The following PREX1 variants were observed in gnomAD, a reference collection of about 807,000 sequenced individuals.
PREX1 encodes phosphatidylinositol 3,4,5-trisphosphate-dependent Rac exchanger 1 protein.
In PREX1, 41 loss-of-function variants were observed where a neutral mutation model predicts 198.3. That is an observed-to-expected ratio of 0.21 (90% confidence interval 0.16 to 0.27). The LOEUF (loss-of-function observed/expected upper bound fraction) is 0.27, where lower values mean the gene tolerates loss of function less well. Ranked by LOEUF, PREX1 falls within the 10% of genes least tolerant of loss-of-function variation. The probability of loss-of-function intolerance (pLI) is 1.00; values close to 1 mark genes in which losing one functional copy is unlikely to be tolerated. For missense variants in PREX1, 1,620 were observed against 2,200.7 expected (o/e 0.74, Z 5.28); for synonymous variants, 843 against 887.2 (o/e 0.95, Z 0.89).
chr20:48,887,958 A>T, the PREX1 span, among the ~76,000 whole-genome samples: 1 of 151,422 alleles, frequency 6.6e-6, no homozygotes, highest in African/African-American at 2.4e-5. Flanking sequence ...TCAAAAAAAT[A>T]AATTAAATAA....
chr20:48,649,349 G>A lies in PREX1; in HGVS notation c.3256C>T (p.Leu1086=). Residue 1086 remains leucine (L), a synonymous_variant, in exon 25 of 40, where the codon CTG becomes TTG. Coordinates refer to ENST00000371941, the MANE Select transcript of PREX1 (RefSeq NM_020820.4). ...QDAYLQLFTK[L]DVALKEMKQY... is the part of the protein sequence containing the mutation. The stretch of plus-strand genomic sequence containing the variant: ...TTCATCTCCTTCAGGGCCACATCCA[G>A]CTTGGTGAAGAGCTGCAGGTAGGCA... 1 of 1,614,148 alleles carries A rather than the reference G, an allele frequency of 6.2e-7. No individual in the cohort carries two copies.
At chr20:48,830,618 C>G (rs2090535187), upstream of PREX1, among the ~76,000 whole-genome samples, 2 of 152,246 alleles carry the variant, frequency 1.3e-5, no homozygotes, top group South Asian at 2.1e-4. Context: ...GGTCCCATCT[C>G]TGGCCCACCC....
At chr20:48,695,642 A>G (rs1247974289) in intron 7 of PREX1, among the ~76,000 whole-genome samples, 1 of 152,190 alleles carries the variant, frequency 6.6e-6, no homozygotes, top group African/African-American at 2.4e-5. Context: ...TTAATATTTA[A>G]TTTGTAGTTC....
intron 1 of PREX1, among the ~76,000 whole-genome samples, chr20:48,816,650 C>T (rs2090460523): frequency 1.3e-5 from 2 of 152,090 alleles, no homozygotes; most frequent in African/African-American, 2.4e-5. Flanking sequence ...CTCAAGGCAC[C>T]TCTAGGAAGT....
At chr20:48,878,445 T>C in the PREX1 span, among the ~76,000 whole-genome samples, 1 of 152,008 alleles carries the variant, frequency 6.6e-6, no homozygotes, top group Non-Finnish European at 1.5e-5. Context: ...GTTCAAACGA[T>C]TCTCCTGCCT....
chr20:48,739,021 T>C (rs1043334814), intron 3 of PREX1, among the ~76,000 whole-genome samples: 5 of 152,186 alleles, frequency 3.3e-5, no homozygotes, highest in African/African-American at 1.2e-4. Context: ...ACTACTCCCG[T>C]GCTTAAAACC....
intron 1 of PREX1, among the ~76,000 whole-genome samples, chr20:48,776,361 G>T (rs538278554): frequency 6.6e-6 from 1 of 152,186 alleles, no homozygotes; most frequent in African/African-American, 2.4e-5. Flanking sequence ...TCAGACAGCC[G>T]AGACAGGCGC....
intron 6 of PREX1, among the ~76,000 whole-genome samples, chr20:48,705,347 G>A (rs962424552): frequency 6.6e-6 from 1 of 152,220 alleles, no homozygotes; most frequent in Non-Finnish European, 1.5e-5. Flanking sequence ...GCTCACAAAG[G>A]ATCAGGGGGT....
chr20:48,666,293 G>A lies in PREX1; in HGVS notation c.1728C>T (p.Phe576=). 6.4e-7 allele frequency: 1 copy of A among 1,567,772 alleles called. No individual in the cohort carries two copies. The highest frequency in any genetic ancestry group is 8.6e-7 in the Non-Finnish European group (1 of 1,156,744). ...GGTGGGGGTGGTTACCGTGGTGCAT[G>A]AAGCCATTGTTGCACAGACCCACGC... ...ALGVGLCNNG[F]MHHVLEKSEF... is the part of the protein sequence containing the mutation. Residue 576 remains phenylalanine (F), a synonymous_variant, in exon 15 of 40, where the codon TTC becomes TTT. Transcript: ENST00000371941. The surrounding 1 kb of genome is among the most constrained non-coding windows in gnomAD (Gnocchi z 4.3).
intron 38 of PREX1, 65 bp from the exon 39 acceptor site, chr20:48,627,680 G>T: frequency 6.6e-7 from 1 of 1,513,800 alleles, no homozygotes; most frequent in African/African-American, 1.4e-5. Flanking sequence ...AGCACACTGG[G>T]GGGTGGGGGT....
At chr20:48,734,404 GC>G in intron 4 of PREX1, 141 bp downstream of exon 4, 1 of 751,942 alleles carries the variant, frequency 1.3e-6, no homozygotes, top group Non-Finnish European at 2.2e-6. Context: ...AAAAGGCTTG[GC>G]GATCCCTGCT....
chr20:48,814,899 T>C (rs1302733705), intron 1 of PREX1, among the ~76,000 whole-genome samples: 1 of 152,092 alleles, frequency 6.6e-6, no homozygotes, highest in Non-Finnish European at 1.5e-5. Context: ...AACTATATGA[T>C]GCCTGTAGGA....
intron 28 of PREX1, 25 bp from the exon 29 acceptor site, chr20:48,642,283 G>T (rs1275697423): frequency 1.9e-6 from 3 of 1,612,148 alleles, no homozygotes; most frequent in Non-Finnish European, 1.7e-6. Context: ...GCCTGGGGTT[G>T]GTTTGGGCCC....
chr20:48,651,762 G>A (rs1463067166), intron 21 of PREX1, among the ~76,000 whole-genome samples, 179 bp from the exon 22 acceptor site: 3 of 152,238 alleles, frequency 2.0e-5, no homozygotes, highest in Non-Finnish European at 2.9e-5. Context: ...AGGTGTTGGA[G>A]AGCCAGTCTG....
chr20:48,658,054 G>C, intron 17 of PREX1, 82 bp downstream of exon 17: 2 of 1,324,212 alleles, frequency 1.5e-6, no homozygotes, highest in Middle Eastern at 1.9e-4. Context: ...CTCCTGGGCT[G>C]GGCTGCCTCA....
chr20:48,832,096 G>C (rs2090538315), upstream of PREX1, among the ~76,000 whole-genome samples: 2 of 141,696 alleles, frequency 1.4e-5, no homozygotes, highest in Admixed American at 7.2e-5. Flanking sequence ...TTCTCAAAAA[G>C]AACAGGGAGG....
At chr20:48,632,253 CCA>C in intron 35 of PREX1, 22 bp downstream of exon 35, 1 of 1,611,550 alleles carries the variant, frequency 6.2e-7, no homozygotes, top group Non-Finnish European at 8.5e-7. Context: ...ACTCCTGCCC[CCA>C]ACGGGGACCC....
At chr20:48,675,316 C>A (rs1455081141) in intron 14 of PREX1, among the ~76,000 whole-genome samples, 1 of 152,218 alleles carries the variant, frequency 6.6e-6, no homozygotes, top group Non-Finnish European at 1.5e-5. Context: ...GCACCTTGGT[C>A]TGGAACTCCC....
At chr20:48,717,359 G>A (rs1045225879) in intron 5 of PREX1, among the ~76,000 whole-genome samples, 2 of 152,094 alleles carry the variant, frequency 1.3e-5, no homozygotes, top group African/African-American at 2.4e-5. Flanking sequence ...AGTCACACAG[G>A]CCTGCCCAAG....
Sources: gnomAD v4.1 joint callset for allele counts (sites outside exome capture counted in the v4.1 genomes callset) on GRCh38, gnomAD v4.1.1 for gene constraint, Gnocchi (gnomAD v3.1) non-coding constraint, MANE v1.5 for transcripts, NCBI Gene and HGNC (gene_info 2026-07-23, HGNC 2026-07-21) for gene names.